The following PARN variants were observed in gnomAD, a reference collection of about 807,000 sequenced individuals.
PARN encodes the protein poly(A)-specific ribonuclease PARN.
PARN carries 71 observed loss-of-function variants against 102.8 expected under a neutral mutation model. The ratio of observed to expected loss-of-function variants is 0.69; its 90% CI spans 0.57 to 0.84. PARN has a LOEUF of 0.84. Among genes scored for constraint, PARN ranks in the 40% least tolerant of loss-of-function variants. The pLI, the probability that PARN is intolerant of heterozygous loss-of-function variation, is 0.00. For synonymous variants in PARN, 261 were observed against 252.9 expected (o/e 1.03, Z -0.30); for missense variants, 782 against 760.9 (o/e 1.03, Z -0.33).
rs139959455 is a variant in PARN, at chr16:14,627,179, G to C, written c.254C>G (p.Thr85Arg). 2 of 1,595,464 alleles carry C rather than the reference G, an allele frequency of 1.3e-6. No homozygotes were observed. The change falls in exon 5 of 24, where the codon ACG becomes AGG. Residue 85 changes from threonine to arginine, a missense_variant. Thr to Arg is a moderately conservative substitution (Grantham distance 71). Transcript: ENST00000437198. ...GAAAACATAGAAGTTAAATGACTTC[G>C]TTATATACCTGGGATAAGATAAAAG... ...KYDYTDSKYI[T>R]KSFNFYVFPK...
At chr16:14,511,730 T>A (rs553792873) in intron 21 of PARN, among the ~76,000 whole-genome samples, 1 of 152,296 alleles carries the variant, frequency 6.6e-6, no homozygotes, top group African/African-American at 2.4e-5. Flanking sequence ...ACACAGGGTC[T>A]CACCATCTCA....
chr16:14,621,079 A>G (rs1482486872), intron 5 of PARN, among the ~76,000 whole-genome samples: 1 of 152,240 alleles, frequency 6.6e-6, no homozygotes, highest in African/African-American at 2.4e-5. Context: ...AATCACTTCC[A>G]TCGTGTCCAG....
At chr16:14,468,892 T>C (rs1962536364) in intron 22 of PARN, among the ~76,000 whole-genome samples, 1 of 107,632 alleles carries the variant, frequency 9.3e-6, no homozygotes, top group East Asian at 2.0e-4. Context: ...GATAGATAGA[T>C]AGATAGATAG....
In PARN at chr16:14,589,636, C is replaced by A. The variant is rs560075635; in HGVS notation, c.919-3275G>T. Among the ~76,000 whole-genome samples the A allele has an allele frequency of 2.0e-5, 3 of 151,970 alleles. No homozygotes were observed. In the South Asian group the frequency reaches 6.2e-4, roughly 32 times the overall value. ...ATCGCAACACTTTGGGAGGCCCAGG[C>A]AGGCGGATCACCTAAGGTCAGGAAT... On this transcript the variant is annotated intron_variant, in intron 13 of 23. Coordinates refer to ENST00000437198, the MANE Select transcript of PARN (RefSeq NM_002582.4).
At chr16:14,445,522 G>A (rs1961162858) in intron 23 of PARN, among the ~76,000 whole-genome samples, 1 of 152,206 alleles carries the variant, frequency 6.6e-6, no homozygotes, top group African/African-American at 2.4e-5. Flanking sequence ...CTGGGTCAGT[G>A]TCTCTCAACA....
intron 22 of PARN, among the ~76,000 whole-genome samples, chr16:14,479,279 G>A (rs1010105822): frequency 3.3e-5 from 5 of 152,014 alleles, no homozygotes; most frequent in Non-Finnish European, 4.4e-5. Flanking sequence ...AAAATTAGCC[G>A]GGAGTGATTG....
chr16:14,582,411 T>A, intron 16 of PARN, 120 bp from the exon 17 acceptor site: 4 of 685,632 alleles, frequency 5.8e-6, no homozygotes, highest in Non-Finnish European at 2.6e-6. Flanking sequence ...AAAAAAGCTA[T>A]CTATTCCTTA....
At chr16:14,545,902 A>G (rs1394412350) in intron 21 of PARN, among the ~76,000 whole-genome samples, 5 of 152,322 alleles carry the variant, frequency 3.3e-5, no homozygotes, top group Admixed American at 2.0e-4. Context: ...CCAATCACAT[A>G]CGGTTCTAGC....
chr16:14,562,420 G>A (rs1397184198), intron 18 of PARN, among the ~76,000 whole-genome samples: 4 of 148,052 alleles, frequency 2.7e-5, no homozygotes, highest in African/African-American at 5.0e-5. Flanking sequence ...GGGTCAGAGC[G>A]GGACTCTGTC....
At chr16:14,469,745 G>C (rs1962606530) in intron 22 of PARN, among the ~76,000 whole-genome samples, 1 of 151,214 alleles carries the variant, frequency 6.6e-6, no homozygotes, top group South Asian at 2.1e-4. Context: ...AAATGTTAAG[G>C]ATTTCTACAT....
At chr16:14,511,737 C>T (rs1669223191) in intron 21 of PARN, among the ~76,000 whole-genome samples, 1 of 152,174 alleles carries the variant, frequency 6.6e-6, no homozygotes, top group African/African-American at 2.4e-5. Context: ...GTCTCACCAT[C>T]TCACCCAGTC....
chr16:14,597,061 A>G (rs2151774042), intron 12 of PARN, among the ~76,000 whole-genome samples: 1 of 152,306 alleles, frequency 6.6e-6, no homozygotes, highest in South Asian at 2.1e-4. Context: ...TACTGGGATT[A>G]CAGGTGTGAG....
intron 21 of PARN, among the ~76,000 whole-genome samples, chr16:14,525,911 C>T (rs561719289): frequency 2.0e-5 from 3 of 152,058 alleles, no homozygotes; most frequent in South Asian, 2.1e-4. Flanking sequence ...CTCCACCTCC[C>T]GGGTTCAAGC....
At chr16:14,604,968 T>C (rs1002028365) in intron 10 of PARN, among the ~76,000 whole-genome samples, 3 of 150,608 alleles carry the variant, frequency 2.0e-5, no homozygotes, top group Non-Finnish European at 4.4e-5. Flanking sequence ...TGACAGGTTA[T>C]CACTCCCATT....
chr16:14,490,171 A>G (rs1442857684), intron 21 of PARN, among the ~76,000 whole-genome samples: 1 of 152,218 alleles, frequency 6.6e-6, no homozygotes, highest in African/African-American at 2.4e-5. Flanking sequence ...TAAATAAATA[A>G]ATAAATAAAA....
In PARN at chr16:14,477,825, G is replaced by A. The variant is rs567900315; in HGVS notation, c.1670+4813C>T. ...AAGGGGGAAGGGAAGGGAAGAGAAG[G>A]GAAAGGAAGGGAAGGGAAGGGAAGA... On this transcript the variant is annotated intron_variant, in intron 22 of 23. Transcript: ENST00000437198. Among the ~76,000 whole-genome samples, 8 of 151,712 alleles carry A rather than the reference G, an allele frequency of 5.3e-5. No individual in the cohort carries two copies. In the South Asian group the frequency reaches 8.3e-4, roughly 16 times the overall value.
intron 21 of PARN, among the ~76,000 whole-genome samples, chr16:14,493,356 C>T (rs1221514712): frequency 6.6e-6 from 1 of 152,198 alleles, no homozygotes; most frequent in East Asian, 1.9e-4. Context: ...GCTGGGACTA[C>T]AGGTGCATGC....
At chr16:14,558,985 A>T (rs1967877374) in intron 18 of PARN, among the ~76,000 whole-genome samples, 1 of 152,140 alleles carries the variant, frequency 6.6e-6, no homozygotes, top group Non-Finnish European at 1.5e-5. Context: ...AATCTTTCGT[A>T]TACTGTGCAC....
At chr16:14,450,295 T>C (rs1240427682) in intron 22 of PARN, among the ~76,000 whole-genome samples, 1 of 152,218 alleles carries the variant, frequency 6.6e-6, no homozygotes, top group Non-Finnish European at 1.5e-5. Flanking sequence ...CTTAGTAGGC[T>C]TGCTTCTGTA....
Sources: gnomAD v4.1 joint callset for allele counts (sites outside exome capture counted in the v4.1 genomes callset) on GRCh38, gnomAD v4.1.1 for gene constraint, MANE v1.5 for transcripts, NCBI Gene and HGNC (gene_info 2026-07-23, HGNC 2026-07-21) for gene names.